SLC4A7: variants seen among roughly 807,000 people sequenced by gnomAD.
The protein encoded by SLC4A7 is solute carrier family 4 member 7, also known as sodium bicarbonate cotransporter 3.
In SLC4A7, 51 loss-of-function variants were observed where a neutral mutation model predicts 137.6. That is an observed-to-expected ratio of 0.37 (90% CI 0.30 to 0.47). SLC4A7 has a LOEUF of 0.47. Among genes scored for constraint, SLC4A7 ranks in the 20% least tolerant of loss-of-function variants. The pLI is 1.00. For synonymous variants in SLC4A7, 542 were observed against 518.6 expected, an observed-to-expected ratio of 1.05 and a Z score of -0.61; for missense variants, 1,247 against 1,525.4, an observed-to-expected ratio of 0.82 and a Z score of 3.04.
intron 22 of SLC4A7, 92 bp downstream of exon 22, chr3:27,389,839 T>C: frequency 1.0e-6 from 1 of 992,794 alleles, no homozygotes; most frequent in African/African-American, 1.7e-5. Flanking sequence ...AAACGCATTA[T>C]TCTTTTTCTC....
rs1406778931 is a variant in SLC4A7 at position 27,448,743 on chromosome 3, C to T, written c.197G>A (p.Arg66Gln). ...VHVPFSKESR[R>Q]RHRHRGHKHH... ...TTTGTGTCCGCGATGCCTATGACGC[C>T]GACGACTCTCTTTACTAAACGGGAC... The change falls in exon 3 of 26, where the codon CGG becomes CAG. Residue 66 changes from arginine to glutamine, a missense_variant. Coordinates refer to ENST00000454389, the MANE Select transcript of SLC4A7 (RefSeq NM_001321103.2). 4 of 1,612,980 alleles carry T rather than the reference C, an allele frequency of 2.5e-6. No individual in the cohort carries two copies. The highest frequency in any genetic ancestry group is 1.3e-5 in the African/African-American group (1 of 74,896).
intron 3 of SLC4A7, among the ~76,000 whole-genome samples, chr3:27,438,963 T>G (rs768183880): frequency 6.6e-6 from 1 of 152,186 alleles, no homozygotes; most frequent in Non-Finnish European, 1.5e-5. Context: ...TTGTGTAGTA[T>G]AGGAACCCGA....
At chr3:27,438,594 A>G (rs2056934465) in intron 3 of SLC4A7, among the ~76,000 whole-genome samples, 2 of 109,166 alleles carry the variant, frequency 1.8e-5, no homozygotes. Context: ...ATAAAATAAA[A>G]TAACATAACA....
intron 6 of SLC4A7, among the ~76,000 whole-genome samples, chr3:27,432,442 A>G (rs2056390751): frequency 6.6e-6 from 1 of 152,212 alleles, no homozygotes; most frequent in Non-Finnish European, 1.5e-5. Context: ...CACCAACAAC[A>G]GCAATATAGC....
chr3:27,421,997 T>C (rs1470850577), intron 8 of SLC4A7, among the ~76,000 whole-genome samples: 1 of 152,226 alleles, frequency 6.6e-6, no homozygotes, highest in South Asian at 2.1e-4. Context: ...CTGTTTTAAC[T>C]GTCACAATCT....
intron 1 of SLC4A7, 128 bp downstream of exon 1, chr3:27,483,939 G>A (rs2059832957): frequency 1.5e-6 from 1 of 646,482 alleles, no homozygotes; most frequent in Non-Finnish European, 2.1e-6. Context: ...CCGGCCGCCG[G>A]GAGGTGGAGG....
At chr3:27,410,131 T>C (rs1355948810) in intron 12 of SLC4A7, among the ~76,000 whole-genome samples, 3 of 152,206 alleles carry the variant, frequency 2.0e-5, no homozygotes, top group South Asian at 2.1e-4. Flanking sequence ...AATATGTACA[T>C]TAATAAAACT....
chr3:27,475,059 G>A (rs530504799), intron 1 of SLC4A7, among the ~76,000 whole-genome samples: 11 of 152,096 alleles, frequency 7.2e-5, no homozygotes, highest in African/African-American at 9.6e-5. Flanking sequence ...GCAGTGAGCC[G>A]AGATTGCACC....
At chr3:27,391,865 A>C in intron 20 of SLC4A7, 57 bp from the exon 21 acceptor site, 7 of 963,100 alleles carry the variant, frequency 7.3e-6, no homozygotes, top group Non-Finnish European at 1.1e-5. Context: ...CAAAAACATA[A>C]TCAGTGAGTA....
intron 2 of SLC4A7, 26 bp from the exon 3 acceptor site, chr3:27,448,823 A>G (rs765355962): frequency 1.3e-6 from 2 of 1,538,972 alleles, no homozygotes; most frequent in Non-Finnish European, 1.8e-6. Flanking sequence ...GAAACATATT[A>G]CTAGCTTTCC....
chr3:27,390,373 T>G (rs1451815507), intron 21 of SLC4A7: 5 of 294,852 alleles, frequency 1.7e-5, no homozygotes, highest in Non-Finnish European at 3.1e-5. Context: ...ATTCAGAGGA[T>G]TAAAATATCT....
chr3:27,408,097 T>C (rs1214231411), intron 13 of SLC4A7, among the ~76,000 whole-genome samples: 2 of 152,218 alleles, frequency 1.3e-5, no homozygotes, highest in Non-Finnish European at 2.9e-5. Flanking sequence ...AAGCACTATG[T>C]ATATACTATT....
At chr3:27,405,637 CAT>C (rs1462111461) in intron 13 of SLC4A7, among the ~76,000 whole-genome samples, 1 of 152,104 alleles carries the variant, frequency 6.6e-6, no homozygotes. Flanking sequence ...GATAAATCAA[CAT>C]GTGACTATCT....
At chr3:27,475,894 T>C (rs906483263) in intron 1 of SLC4A7, among the ~76,000 whole-genome samples, 11 of 152,192 alleles carry the variant, frequency 7.2e-5, no homozygotes, top group African/African-American at 2.4e-4. Context: ...ATTGGCAAGC[T>C]AGGGTGGCAG....
At chr3:27,463,640 C>T (rs892343755) in intron 1 of SLC4A7, among the ~76,000 whole-genome samples, 2 of 152,110 alleles carry the variant, frequency 1.3e-5, no homozygotes, top group African/African-American at 4.8e-5. Flanking sequence ...CTACGAGTGG[C>T]CTGCGCACTG....
intron 17 of SLC4A7, 96 bp from the exon 18 acceptor site, chr3:27,397,893 G>A (rs532598647): frequency 3.4e-5 from 24 of 706,216 alleles, no homozygotes; most frequent in South Asian, 4.1e-5. Flanking sequence ...TCACTACAAC[G>A]TACAAATGGA....
intron 15 of SLC4A7, among the ~76,000 whole-genome samples, chr3:27,401,678 T>C (rs1390492951): frequency 2.0e-5 from 3 of 152,106 alleles, no homozygotes; most frequent in African/African-American, 7.2e-5. Context: ...CAAATATAAA[T>C]TTATAATATA....
At position 27,403,357 on chromosome 3, in the gene SLC4A7, T is replaced by C; in HGVS notation, c.2103A>G (p.Leu701=). 1 of 1,592,754 alleles carries C rather than the reference T, an allele frequency of 6.3e-7. No individual in the cohort carries two copies. The highest frequency in any genetic ancestry group is 8.6e-7 in the Non-Finnish European group (1 of 1,168,720). Residue 701 remains leucine, a synonymous_variant, in exon 15 of 26, where the codon TTA becomes TTG. Transcript: ENST00000454389. The part of the protein sequence containing the change: ...CRDYQLSYLS[L]RTSIGLWTSF... ...AAGTCCACAGACCAATACTGGTTCT[T>C]AAAGACAGATAAGAAAGTTGATAAT...
chr3:27,377,804 T>C (rs1409442523), intron 25 of SLC4A7, among the ~76,000 whole-genome samples: 1 of 152,202 alleles, frequency 6.6e-6, no homozygotes, highest in East Asian at 1.9e-4. Context: ...TTTCAGAAAG[T>C]GTAAAAACAC....
Sources: gnomAD v4.1 joint callset for allele counts (sites outside exome capture counted in the v4.1 genomes callset) on GRCh38, gnomAD v4.1.1 for gene constraint, MANE v1.5 for transcripts, NCBI Gene and HGNC (gene_info 2026-07-23, HGNC 2026-07-21) for gene names.